Variants in ZMIZ1 observed in about 807,000 individuals in gnomAD.
ZMIZ1 encodes the protein zinc finger MIZ domain-containing protein 1.
ZMIZ1 carries 17 observed loss-of-function variants against 113.9 expected under a neutral mutation model. The ratio of observed to expected loss-of-function variants is 0.15; its 90% CI spans 0.10 to 0.22. The LOEUF is 0.22. ZMIZ1 is among the 10% of genes least tolerant of loss of function. The probability of loss-of-function intolerance (pLI) is 1.00; values close to 1 mark genes in which losing one functional copy is unlikely to be tolerated. For synonymous variants in ZMIZ1, 607 were observed against 603.1 expected (o/e 1.01, Z -0.09); for missense variants, 1,059 against 1,477.8 (o/e 0.72, Z 4.65).
chr10:79,189,393 G>T lies in ZMIZ1; in HGVS notation c.-49-12191G>T, dbSNP rs141509646. Among the ~76,000 whole-genome samples, 662 of 152,318 alleles carry T rather than the reference G, an allele frequency of 4.3e-3. 1 individual carries two copies. Among genetic ancestry groups the T allele is most frequent in the Non-Finnish European group, 7.2e-3 (488 of 68,028 alleles). ...CTTCTGCCTCTGATGGAGCCGATAAGACCCACCAGGGCACTCTAGAGAGTG... is the reference window on the plus strand; with the variant it reads ...CTTCTGCCTCTGATGGAGCCGATAATACCCACCAGGGCACTCTAGAGAGTG... On this transcript the variant is annotated intron_variant, in intron 4 of 24. Transcript: ENST00000334512.
intron 8 of ZMIZ1, among the ~76,000 whole-genome samples, chr10:79,287,021 T>G (rs576383782): frequency 2.6e-5 from 4 of 152,356 alleles, no homozygotes; most frequent in African/African-American, 7.2e-5. Flanking sequence ...TTTGTTCAGA[T>G]GTAGGGGACC....
chr10:79,195,407 C>A (rs1481183984), intron 4 of ZMIZ1, among the ~76,000 whole-genome samples: 3 of 152,212 alleles, frequency 2.0e-5, no homozygotes, highest in Admixed American at 6.5e-5. Flanking sequence ...CTTGGTCTCA[C>A]CCCCCATTCA....
chr10:79,135,400 C>T (rs1023537543), intron 2 of ZMIZ1, among the ~76,000 whole-genome samples: 1 of 152,182 alleles, frequency 6.6e-6, no homozygotes, highest in Non-Finnish European at 1.5e-5. Context: ...GTCATTTGTC[C>T]TCCTAAAGGT....
chr10:79,305,297 A>G lies in ZMIZ1; in HGVS notation c.2354+66A>G. 3 of 1,536,484 alleles carry G rather than the reference A, an allele frequency of 2.0e-6. No homozygotes were observed. In the South Asian group the frequency reaches 3.4e-5, roughly 17 times the overall value. On this transcript the variant is annotated intron_variant, in intron 20 of 24. Transcript: ENST00000334512. ...CAACCACAGACGGGAGGGGCCAGCT[A>G]CCTCCCACCTCCACCTGCCCTAAAT...
intron 7 of ZMIZ1, among the ~76,000 whole-genome samples, chr10:79,270,855 G>T (rs931909580): frequency 9.2e-5 from 14 of 152,100 alleles, no homozygotes; most frequent in African/African-American, 3.4e-4. Flanking sequence ...CTGGATCCTG[G>T]GGAACTGTCC....
chr10:79,202,669 G>A (rs993464284), intron 5 of ZMIZ1, among the ~76,000 whole-genome samples: 6 of 152,224 alleles, frequency 3.9e-5, no homozygotes, highest in Non-Finnish European at 7.3e-5. Flanking sequence ...TTGGACTGCC[G>A]GGAGGTGGGG....
At position 79,247,879 on chromosome 10, in the gene ZMIZ1, T is replaced by C. The variant is rs1370886637; in HGVS notation, c.281-29302T>C. On this transcript the variant is annotated intron_variant, in intron 7 of 24. Transcript: ENST00000334512. Reference sequence around the variant, plus strand: ...GCTCCCAACACTAGCCCTGAAGTGATTGTATCTGTAGTCTGGTGCCAAATT... The same window carrying C: ...GCTCCCAACACTAGCCCTGAAGTGACTGTATCTGTAGTCTGGTGCCAAATT... Among the ~76,000 whole-genome samples, 3 of 152,314 alleles carry C rather than the reference T, an allele frequency of 2.0e-5. No homozygotes were observed. In the East Asian group the frequency reaches 5.8e-4, roughly 29 times the overall value.
intron 7 of ZMIZ1, among the ~76,000 whole-genome samples, chr10:79,225,231 T>A (rs1322405125): frequency 6.6e-6 from 1 of 152,244 alleles, no homozygotes; most frequent in Non-Finnish European, 1.5e-5. Flanking sequence ...ATCTCTGCTT[T>A]ATTTCAGTAC....
intron 2 of ZMIZ1, among the ~76,000 whole-genome samples, chr10:79,135,071 G>A (rs768264039): frequency 6.6e-6 from 1 of 152,194 alleles, no homozygotes; most frequent in Non-Finnish European, 1.5e-5. Flanking sequence ...GCCCGCCTCC[G>A]CCTCCAAAGT....
In ZMIZ1 at chr10:79,139,701, G is replaced by A. The variant is rs550801620; in HGVS notation, c.-207G>A. On this transcript the variant is annotated 5_prime_UTR_variant, in exon 3 of 25. Coordinates refer to ENST00000334512, the MANE Select transcript of ZMIZ1 (RefSeq NM_020338.4). The stretch of plus-strand genomic sequence containing the variant: ...ACCCAGGAGGAAGAGGAGGAGGCCC[G>A]TTGGCGTCGGACCAATGCTGCAAGG... 15 of 398,824 alleles carry A rather than the reference G, an allele frequency of 3.8e-5. No individual in the cohort carries two copies. The highest frequency in any genetic ancestry group is 1.3e-4 in the South Asian group (1 of 7,858). The allele number at this position is 398,824 out of a possible 1,614,324, so 24.7% of individuals were successfully genotyped here.
At chr10:79,195,923 C>G (rs777727482) in intron 4 of ZMIZ1, among the ~76,000 whole-genome samples, 3 of 152,190 alleles carry the variant, frequency 2.0e-5, no homozygotes, top group Non-Finnish European at 2.9e-5. Flanking sequence ...AGAAAATTAG[C>G]ACTGCATAGG....
At chr10:79,274,093 G>T (rs1379831877) in intron 7 of ZMIZ1, among the ~76,000 whole-genome samples, 3 of 151,992 alleles carry the variant, frequency 2.0e-5, no homozygotes, top group Non-Finnish European at 4.4e-5. Context: ...GGTAAGTGGG[G>T]CCCACAGGAC....
chr10:79,261,249 C>T (rs940156919), intron 7 of ZMIZ1, among the ~76,000 whole-genome samples: 7 of 152,240 alleles, frequency 4.6e-5, no homozygotes, highest in East Asian at 1.9e-4. Flanking sequence ...AACTGGTGCG[C>T]GCTCAGCTCA....
chr10:79,087,810 G>T (rs908543950), intron 1 of ZMIZ1, among the ~76,000 whole-genome samples: 54 of 152,210 alleles, frequency 3.5e-4, no homozygotes, highest in African/African-American at 1.2e-3. Context: ...CTCTGCCCAA[G>T]CCTCAGCTTG....
At chr10:79,134,643 C>T (rs1314826140) in intron 2 of ZMIZ1, among the ~76,000 whole-genome samples, 1 of 152,192 alleles carries the variant, frequency 6.6e-6, no homozygotes, top group Admixed American at 6.5e-5. Flanking sequence ...CCAGGACTGG[C>T]CTTGCACCCT....
Position 79,139,792 on chromosome 10 carries a change from C to T in ZMIZ1, c.-131+15C>T, listed in dbSNP as rs944407741. The T allele has an allele frequency of 9.0e-5, 36 of 398,666 alleles. No homozygotes were observed. Among genetic ancestry groups the T allele is most frequent in the Middle Eastern group, 6.2e-4 (1 of 1,614 alleles). 24.7% of individuals were successfully genotyped at this position (398,666 alleles called of 1,614,324 possible). Reference sequence around the variant, plus strand: ...TACCCCGAAAGGTAACACCAGCCCCCGATGCCCAGGCCATACCATCACCTT... The same window carrying T: ...TACCCCGAAAGGTAACACCAGCCCCTGATGCCCAGGCCATACCATCACCTT... On this transcript the variant is annotated intron_variant, in intron 3 of 24. Coordinates refer to ENST00000334512, the MANE Select transcript of ZMIZ1 (RefSeq NM_020338.4).
chr10:79,222,754 G>C (rs886367770), intron 7 of ZMIZ1, among the ~76,000 whole-genome samples: 1 of 152,102 alleles, frequency 6.6e-6, no homozygotes, highest in African/African-American at 2.4e-5. Flanking sequence ...TGGAGCTCTC[G>C]ATCCCAGGGA....
intron 1 of ZMIZ1, among the ~76,000 whole-genome samples, chr10:79,105,121 A>C (rs1407492929): frequency 1.3e-5 from 2 of 152,206 alleles, no homozygotes; most frequent in Non-Finnish European, 2.9e-5. Flanking sequence ...TCCCGAGCCC[A>C]ATGTGTTAGT....
intron 23 of ZMIZ1, among the ~76,000 whole-genome samples, chr10:79,308,115 G>C (rs371000064): frequency 1.3e-4 from 20 of 152,210 alleles, no homozygotes; most frequent in African/African-American, 4.8e-4. Context: ...GGTGGGGTAA[G>C]GTGTCCTGTG....
Sources: gnomAD v4.1 joint callset for allele counts (sites outside exome capture counted in the v4.1 genomes callset) on GRCh38, gnomAD v4.1.1 for gene constraint, MANE v1.5 for transcripts, NCBI Gene and HGNC (gene_info 2026-07-23, HGNC 2026-07-21) for gene names.